ZXDC: variants seen among roughly 807,000 people sequenced by gnomAD.
ZXDC encodes zinc finger protein ZXDC.
ZXDC carries 58 observed loss-of-function variants against 63.6 expected under a neutral mutation model. That is an observed-to-expected ratio of 0.91 (90% CI 0.74 to 1.13). The LOEUF (loss-of-function observed/expected upper bound fraction) is 1.13. Ranked by LOEUF, ZXDC falls within the 50% of genes most tolerant of loss-of-function variation. ZXDC has a pLI of 0.00. For synonymous variants in ZXDC, 561 were observed against 496.1 expected (o/e 1.13, Z -1.74); for missense variants, 1,133 against 1,148.9 (o/e 0.99, Z 0.20).
In ZXDC at chr3:126,438,277, A is replaced by G; in HGVS notation, c.*98T>C. Reference sequence around the variant, plus strand: ...CAAAAGGGCTACGCTGGTCTTCTGAACGGAAACCAAATGAGGTCTCCCCAG... The same window carrying G: ...CAAAAGGGCTACGCTGGTCTTCTGAGCGGAAACCAAATGAGGTCTCCCCAG... On this transcript the variant is annotated 3_prime_UTR_variant, in exon 10 of 10. Transcript: ENST00000389709. The G allele has an allele frequency of 9.7e-7, 1 of 1,031,060 alleles. No homozygotes were observed. Among genetic ancestry groups the G allele is most frequent in the Non-Finnish European group, 1.5e-6 (1 of 674,960 alleles). The allele number at this position is 1,031,060 out of a possible 1,614,324, so 63.9% of individuals were successfully genotyped here. A position where few individuals can be genotyped will look rare whatever the true frequency, so the allele number is the denominator to read the frequency against.
At chr3:126,451,761 G>T (rs552020032) in intron 7 of ZXDC, 351 of 985,248 alleles carry the variant, frequency 3.6e-4, no homozygotes, top group Non-Finnish European at 4.2e-4. Flanking sequence ...TGGTGATCTG[G>T]AAAGCTCTCT....
intron 7 of ZXDC, chr3:126,451,846 C>T (rs1006683476): frequency 2.0e-6 from 2 of 985,040 alleles, no homozygotes; most frequent in African/African-American, 3.5e-5. Flanking sequence ...GCCTCAGTGG[C>T]ACCCGTGCAG....
rs148356350 is a variant in ZXDC, at chr3:126,438,365, G to A, written c.*10C>T. The A allele has an allele frequency of 1.5e-3, 2,337 of 1,609,850 alleles. 49 individuals are homozygous for A. In the East Asian group the frequency reaches 0.039, roughly 27 times the overall value. Reference sequence around the variant, plus strand: ...CCGTGGCCTTGGGCCTGCCCAGGCCGAGGCTGCCGTCACTGCAGATCCTGC... The same window carrying A: ...CCGTGGCCTTGGGCCTGCCCAGGCCAAGGCTGCCGTCACTGCAGATCCTGC... On this transcript the variant is annotated 3_prime_UTR_variant, in exon 10 of 10. Transcript: ENST00000389709.
At chr3:126,451,687 C>G in intron 7 of ZXDC, 1 of 985,422 alleles carries the variant, frequency 1.0e-6, no homozygotes, top group Non-Finnish European at 1.2e-6. Flanking sequence ...GAGCACCAAC[C>G]GGCTGTGTCT....
chr3:126,451,495 T>A lies in ZXDC; in HGVS notation c.2212+8158A>T, dbSNP rs148217197. ...TAATTGTAAGACTGAATATTATGCATATTTTTTGGCTCCTGAACACATTAC... is the reference window on the plus strand; with the variant it reads ...TAATTGTAAGACTGAATATTATGCAAATTTTTTGGCTCCTGAACACATTAC... On this transcript the variant is annotated intron_variant, in intron 7 of 9. Transcript: ENST00000389709. 849 of 985,430 alleles carry A rather than the reference T, an allele frequency of 8.6e-4. 1 individual carries two copies. In the African/African-American group the frequency reaches 0.011, roughly 13 times the overall value. 61.0% of individuals were successfully genotyped at this position (985,430 alleles called of 1,614,324 possible).
Position 126,437,664 on chromosome 3 carries a change from C to G in ZXDC, c.*711G>C, listed in dbSNP as rs533295736. 3.0e-4 allele frequency: 46 copies of G among 152,442 alleles called. No individual in the cohort carries two copies. Among genetic ancestry groups the G allele is most frequent in the African/African-American group, 1.1e-3 (44 of 41,548 alleles). The allele number at this position is 152,442 out of a possible 1,614,324, so 9.4% of individuals were successfully genotyped here. A position where few individuals can be genotyped will look rare whatever the true frequency, so the allele number is the denominator to read the frequency against. On this transcript the variant is annotated 3_prime_UTR_variant, in exon 10 of 10. Coordinates refer to ENST00000389709, the MANE Select transcript of ZXDC (RefSeq NM_025112.5). ...ACTTTATAAACTGTTGCCAAATTACCACTTAAACACTAATATCCAAATACA... is the reference window on the plus strand; with the variant it reads ...ACTTTATAAACTGTTGCCAAATTACGACTTAAACACTAATATCCAAATACA...
At position 126,475,314 on chromosome 3, in the gene ZXDC, C is replaced by G. The variant is rs375137949; in HGVS notation, c.552G>C (p.Leu184=). 3.2e-5 allele frequency: 50 copies of G among 1,546,576 alleles called. No homozygotes were observed. Among genetic ancestry groups the G allele is most frequent in the South Asian group, 2.7e-4 (23 of 83,936 alleles). Reference sequence around the variant, plus strand: ...TGAGCTGGTGCTTCTTGGCGAAGGCCAGCGCGCACTGCGGCTCGGGGCAGC... The same window carrying G: ...TGAGCTGGTGCTTCTTGGCGAAGGCGAGCGCGCACTGCGGCTCGGGGCAGC... The part of the protein sequence containing the change: ...GYRCPEPQCA[L]AFAKKHQLKV... The change falls in exon 1 of 10, where the codon CTG becomes CTC. Residue 184 remains leucine (L), a synonymous_variant. Coordinates refer to ENST00000389709, the MANE Select transcript of ZXDC (RefSeq NM_025112.5).
At chr3:126,448,839 C>T (rs555580234) in intron 7 of ZXDC, among the ~76,000 whole-genome samples, 1 of 152,378 alleles carries the variant, frequency 6.6e-6, no homozygotes, top group South Asian at 2.1e-4. Flanking sequence ...TAATCTCCCC[C>T]TAATGTTCCC....
rs140631358 is a variant in ZXDC at position 126,440,415 on chromosome 3, G to C, written c.2395-688C>G. On this transcript the variant is annotated intron_variant, in intron 8 of 9. Transcript: ENST00000389709. ...ATAGATGACAAAACTGAGGCCCGGA[G>C]TGCTTAAGTAACCAAGACTACGCTA... is the stretch of plus-strand genomic sequence containing the variant. The C allele has an allele frequency of 1.7e-5, 17 of 985,418 alleles. No individual in the cohort carries two copies. The East Asian group carries it at 1.8e-3, about 105-fold the overall frequency. 61.0% of individuals were successfully genotyped at this position (985,418 alleles called of 1,614,324 possible). A position where few individuals can be genotyped will look rare whatever the true frequency, so the allele number is the denominator to read the frequency against.
At chr3:126,453,615 AG>A (rs1460247541) in intron 7 of ZXDC, 6 of 985,486 alleles carry the variant, frequency 6.1e-6, no homozygotes, top group Non-Finnish European at 6.0e-6. Flanking sequence ...CTGAACGTGC[AG>A]GGAAGTCACT....
chr3:126,461,099 T>A (rs1463044458), intron 6 of ZXDC: 22 of 986,352 alleles, frequency 2.2e-5, no homozygotes, highest in Non-Finnish European at 2.6e-5. Flanking sequence ...TTTTTCTTGT[T>A]AATTCTAATT....
chr3:126,455,372 T>C (rs898342162), intron 7 of ZXDC, among the ~76,000 whole-genome samples: 2 of 152,168 alleles, frequency 1.3e-5, no homozygotes, highest in African/African-American at 2.4e-5. Flanking sequence ...ACATAAATAC[T>C]AGCACTGACC....
At chr3:126,458,520 G>A in intron 7 of ZXDC, 3 of 924,636 alleles carry the variant, frequency 3.2e-6, no homozygotes, top group Non-Finnish European at 3.9e-6. Context: ...TTACAGGTAT[G>A]AGCCACCGCA....
At chr3:126,442,124 C>G (rs1455820561) in intron 7 of ZXDC, 178 bp from the exon 8 acceptor site, 11 of 622,396 alleles carry the variant, frequency 1.8e-5, no homozygotes, top group South Asian at 6.7e-5. Context: ...AACAAACAAC[C>G]ATACGAACAA....
At position 126,475,155 on chromosome 3, in the gene ZXDC, G is replaced by A. The variant is rs760189912; in HGVS notation, c.711C>T (p.Pro237=). ...CACAGCCGCCCACTGGACAGCCGAA[G>A]GGCCGCAGCTTGTCGTGCGACTGCA... ...RHLQSHDKLR[P]FGCPVGGCGK... is the part of the protein sequence containing the mutation. The change falls in exon 1 of 10, where the codon CCC becomes CCT. Residue 237 remains proline, a synonymous_variant. Transcript: ENST00000389709. The A allele has an allele frequency of 5.6e-5, 90 of 1,606,672 alleles. 1 individual carries two copies. The highest frequency in any genetic ancestry group is 2.5e-6 in the Non-Finnish European group (3 of 1,176,678).
intron 7 of ZXDC, chr3:126,457,674 G>A (rs774963155): frequency 5.4e-5 from 53 of 984,034 alleles, no homozygotes; most frequent in Admixed American, 1.2e-4. Context: ...GTAAAAAAAC[G>A]AGAAGCTGCG....
At chr3:126,457,736 T>C (rs1238629071) in intron 7 of ZXDC, 3 of 821,298 alleles carry the variant, frequency 3.7e-6, no homozygotes, top group African/African-American at 3.7e-5. Flanking sequence ...AGATTTAGAG[T>C]ACCACCGTTT....
intron 7 of ZXDC, chr3:126,454,290 A>G (rs1464655750): frequency 2.7e-5 from 27 of 984,448 alleles, no homozygotes; most frequent in Non-Finnish European, 3.3e-5. Context: ...TGAGATTTCT[A>G]TTGGCTTTTA....
At chr3:126,466,441 G>A in intron 4 of ZXDC, 116 bp from the exon 5 acceptor site, 1 of 1,102,506 alleles carries the variant, frequency 9.1e-7, no homozygotes, top group Non-Finnish European at 1.3e-6. Context: ...CCTGGCTACT[G>A]GCAAGGACAG....
Sources: gnomAD v4.1 joint callset for allele counts (sites outside exome capture counted in the v4.1 genomes callset) on GRCh38, gnomAD v4.1.1 for gene constraint, MANE v1.5 for transcripts, NCBI Gene and HGNC (gene_info 2026-07-23, HGNC 2026-07-21) for gene names.